ARF3: variants seen among roughly 807,000 people sequenced by gnomAD.
ARF3 encodes ADP-ribosylation factor 3.
In ARF3, 5 loss-of-function variants were observed where a neutral mutation model predicts 19.3. The observed-to-expected ratio is 0.26, with a 90% CI of 0.14 to 0.54. The LOEUF (loss-of-function observed/expected upper bound fraction) is 0.54. Among genes scored for constraint, ARF3 ranks in the 20% least tolerant of loss-of-function variants. The probability of loss-of-function intolerance (pLI) is 0.95; values close to 1 mark genes in which losing one functional copy is unlikely to be tolerated. For synonymous variants in ARF3, 71 were observed against 89.2 expected (o/e 0.80, Z 1.15); for missense variants, 77 against 234.2 (o/e 0.33, Z 4.38).
chr12:48,938,620 C>T lies in ARF3; in HGVS notation c.*327G>A, dbSNP rs771921639. On this transcript the variant is annotated 3_prime_UTR_variant, in exon 5 of 5. Coordinates refer to ENST00000256682, the MANE Select transcript of ARF3 (RefSeq NM_001659.3). Reference sequence around the variant, plus strand: ...TCAGATGCCAAGAGGACAGCAACCACTGCCAAACAAAGAGAATACCCCACT... The same window carrying T: ...TCAGATGCCAAGAGGACAGCAACCATTGCCAAACAAAGAGAATACCCCACT... 1 of 446,850 alleles carries T rather than the reference C, an allele frequency of 2.2e-6. No homozygotes were observed. The highest frequency in any genetic ancestry group is 1.6e-5 in the South Asian group (1 of 61,662). The allele number at this position is 446,850 out of a possible 1,614,324, so 27.7% of individuals were successfully genotyped here. A position where few individuals can be genotyped will look rare whatever the true frequency, so the allele number is the denominator to read the frequency against.
intron 1 of ARF3, among the ~76,000 whole-genome samples, chr12:48,952,026 C>T (rs903745126): frequency 6.6e-6 from 1 of 152,026 alleles, no homozygotes; most frequent in Non-Finnish European, 1.5e-5. Context: ...ATAGAACATA[C>T]AAAAGAAAAG....
rs1009349744 is a variant in ARF3, at chr12:48,938,698, G to C, written c.*249C>G. On this transcript the variant is annotated 3_prime_UTR_variant, in exon 5 of 5. Coordinates refer to ENST00000256682, the MANE Select transcript of ARF3 (RefSeq NM_001659.3). Reference sequence around the variant, plus strand: ...GAGAGAGGGGCCACCCCATGAAACCGTAACAACTTTTTGTTTTAAATCCAG... The same window carrying C: ...GAGAGAGGGGCCACCCCATGAAACCCTAACAACTTTTTGTTTTAAATCCAG... The C allele has an allele frequency of 3.8e-6, 2 of 523,728 alleles. No individual in the cohort carries two copies. Among genetic ancestry groups the C allele is most frequent in the Non-Finnish European group, 6.9e-6 (2 of 289,470 alleles). 32.4% of individuals were successfully genotyped at this position (523,728 alleles called of 1,614,324 possible).
At chr12:48,956,891 C>T (rs1431077857) in intron 1 of ARF3, 3 of 134,416 alleles carry the variant, frequency 2.2e-5, no homozygotes, top group Non-Finnish European at 5.1e-5. Context: ...TCTCCTATTG[C>T]TAAGGTGGGG....
chr12:48,941,249 G>A (rs929370569), intron 1 of ARF3, 61 bp from the exon 2 acceptor site: 29 of 922,628 alleles, frequency 3.1e-5, no homozygotes, highest in Non-Finnish European at 4.6e-5. Context: ...CAAGTAAATA[G>A]AATTTCCCAA....
intron 1 of ARF3, 85 bp from the exon 2 acceptor site, chr12:48,941,273 G>A: frequency 4.3e-6 from 3 of 702,790 alleles, no homozygotes; most frequent in Non-Finnish European, 4.5e-6. Flanking sequence ...CATGGCTAGA[G>A]TTCATTCATG....
At chr12:48,949,440 T>C (rs563207188) in intron 1 of ARF3, among the ~76,000 whole-genome samples, 11 of 152,314 alleles carry the variant, frequency 7.2e-5, no homozygotes, top group African/African-American at 2.2e-4. Flanking sequence ...TTGGCCAGAA[T>C]GGTCTCGATC....
chr12:48,937,229 G>T lies in ARF3; in HGVS notation c.*1718C>A, dbSNP rs1477203733. The T allele has an allele frequency of 6.6e-6, 1 of 152,244 alleles. No homozygotes were observed. Among genetic ancestry groups the T allele is most frequent in the South Asian group, 2.1e-4 (1 of 4,830 alleles). The allele number at this position is 152,244 out of a possible 1,614,324, so 9.4% of individuals were successfully genotyped here. On this transcript the variant is annotated 3_prime_UTR_variant, in exon 5 of 5. Transcript: ENST00000256682. ...TCAACAAAAGTGGCCAGGAAACCTG[G>T]CCCCATGGAGTGGGGCTTGGGACAG...
intron 1 of ARF3, among the ~76,000 whole-genome samples, chr12:48,943,961 A>G (rs1260692558): frequency 6.6e-6 from 1 of 152,172 alleles, no homozygotes; most frequent in Non-Finnish European, 1.5e-5. Flanking sequence ...AGGACCCCTG[A>G]GCGACCTACC....
chr12:48,943,909 C>G (rs1056715744), intron 1 of ARF3, among the ~76,000 whole-genome samples: 1 of 152,170 alleles, frequency 6.6e-6, no homozygotes, highest in Non-Finnish European at 1.5e-5. Context: ...GCCTTCCTCC[C>G]TACTCTTCCT....
At position 48,938,165 on chromosome 12, in the gene ARF3, G is replaced by C. The variant is rs1940182002; in HGVS notation, c.*782C>G. 2.9e-6 allele frequency: 1 copy of C among 345,782 alleles called. No homozygotes were observed. The highest frequency in any genetic ancestry group is 3.8e-5 in the Admixed American group (1 of 26,378). The allele number at this position is 345,782 out of a possible 1,614,324, so 21.4% of individuals were successfully genotyped here. ...GCATCTCCTTGGGAACAGTCATCTA[G>C]AGATAAATGCCATCCTCCAGCCCTA... is the stretch of plus-strand genomic sequence containing the variant. On this transcript the variant is annotated 3_prime_UTR_variant, in exon 5 of 5. Coordinates refer to ENST00000256682, the MANE Select transcript of ARF3 (RefSeq NM_001659.3).
At position 48,939,245 on chromosome 12, in the gene ARF3, G is replaced by A. The variant is rs113740214; in HGVS notation, c.385-137C>T. ...TAGGAAACCCAGAACAAGATCCTAA[G>A]GAGCTACTTTGGATTTAGTCACCTA... On this transcript the variant is annotated intron_variant, in intron 4 of 4. Transcript: ENST00000256682. The surrounding 1 kb of genome is among the most constrained non-coding windows in gnomAD (Gnocchi z 4.8). The A allele has an allele frequency of 1.9e-6, 2 of 1,043,090 alleles. No homozygotes were observed. The highest frequency in any genetic ancestry group is 3.2e-5 in the African/African-American group (2 of 62,230). 64.6% of individuals were successfully genotyped at this position (1,043,090 alleles called of 1,614,324 possible).
chr12:48,943,984 G>A (rs1940311708), intron 1 of ARF3, among the ~76,000 whole-genome samples: 1 of 152,214 alleles, frequency 6.6e-6, no homozygotes, highest in African/African-American at 2.4e-5. Context: ...GCTAAGAACA[G>A]CTCTCACCAA....
At chr12:48,947,127 C>T (rs551140885) in intron 1 of ARF3, among the ~76,000 whole-genome samples, 20 of 152,326 alleles carry the variant, frequency 1.3e-4, no homozygotes, top group Admixed American at 9.8e-4. Flanking sequence ...TACGCCCGTA[C>T]TGAGTTTTCT....
At chr12:48,942,516 T>C (rs1207280680) in intron 1 of ARF3, among the ~76,000 whole-genome samples, 1 of 152,078 alleles carries the variant, frequency 6.6e-6, no homozygotes, top group Non-Finnish European at 1.5e-5. Flanking sequence ...CACAACCACA[T>C]GTATAACACA....
At chr12:48,940,335 A>G (rs927030843) in intron 2 of ARF3, among the ~76,000 whole-genome samples, 1 of 152,244 alleles carries the variant, frequency 6.6e-6, no homozygotes, top group African/African-American at 2.4e-5. Flanking sequence ...AGAGGTTCAC[A>G]GTTGCCTGGG....
Position 48,939,990 on chromosome 12 carries a change from A to C in ARF3, c.259+7T>G. On this transcript the variant is annotated splice_region_variant and intron_variant, in intron 3 of 4. Transcript: ENST00000256682. The surrounding 1 kb of genome is among the most constrained non-coding windows in gnomAD (Gnocchi z 4.8). The stretch of plus-strand genomic sequence containing the variant: ...ACCCAACCAACCCACGCTAGGCCTG[A>C]GCATACCTTGGGTGTTCTGGAAGTA... 5 of 1,613,364 alleles carry C rather than the reference A, an allele frequency of 3.1e-6. No homozygotes were observed. Among genetic ancestry groups the C allele is most frequent in the Non-Finnish European group, 4.2e-6 (5 of 1,179,294 alleles).
Position 48,938,898 on chromosome 12 carries a change from G to C in ARF3, c.*49C>G. The C allele has an allele frequency of 6.3e-7, 1 of 1,591,354 alleles. No homozygotes were observed. The highest frequency in any genetic ancestry group is 1.1e-5 in the South Asian group (1 of 87,806). On this transcript the variant is annotated 3_prime_UTR_variant, in exon 5 of 5. Transcript: ENST00000256682. ...GGGGTAGGACTGGGGCAGGGTGACA[G>C]TAGGTATGTCAGGGGTGGGTGGGGT...
In ARF3 at chr12:48,941,067, T is replaced by C. The variant is rs1343696419; in HGVS notation, c.29A>G (p.Lys10Arg). 1 of 1,613,902 alleles carries C rather than the reference T, an allele frequency of 6.2e-7. No homozygotes were observed. Among genetic ancestry groups the C allele is most frequent in the Non-Finnish European group, 8.5e-7 (1 of 1,179,922 alleles). The change falls in exon 2 of 5, where the codon AAG becomes AGG. Residue 10 changes from lysine to arginine, a missense_variant. Physicochemically the swap from Lys to Arg is conservative, Grantham distance 26 (BLOSUM62 2). Around this residue, in one of 3 missense-constraint regions of ARF3, gnomAD observed 9 missense variants for 16.4 expected, o/e 0.55. Transcript: ENST00000256682. Reference sequence around the variant, plus strand: ...CATCTCCTTCTTCCCAATCAGGCTCTTGAGAAGGTTTCCAAAGATATTGCC... The same window carrying C: ...CATCTCCTTCTTCCCAATCAGGCTCCTGAGAAGGTTTCCAAAGATATTGCC... MGNIFGNLL[K>R]SLIGKKEMRI...
chr12:48,939,919 AAC>A lies in ARF3; in HGVS notation c.259+76_259+77del. On this transcript the variant is annotated intron_variant, in intron 3 of 4. Coordinates refer to ENST00000256682, the MANE Select transcript of ARF3 (RefSeq NM_001659.3). This position sits in a 1 kb window ranked among gnomAD's most constrained non-coding sequence, Gnocchi z 4.8. Reference sequence around the variant, plus strand: ...CTGCCCCCAGGAGCTGCAGCAGGGTAACAGTTGGCCACCCATTAACAAAGACA... The same window carrying A: ...CTGCCCCCAGGAGCTGCAGCAGGGTAAGTTGGCCACCCATTAACAAAGACA... 1 of 1,582,888 alleles carries A rather than the reference AAC, an allele frequency of 6.3e-7. No homozygotes were observed. The highest frequency in any genetic ancestry group is 1.3e-5 in the African/African-American group (1 of 74,344).
Sources: gnomAD v4.1 joint callset for allele counts (sites outside exome capture counted in the v4.1 genomes callset) on GRCh38, gnomAD v4.1.1 for gene constraint, gnomAD v4.1.1 regional missense constraint, Gnocchi (gnomAD v3.1) non-coding constraint, MANE v1.5 for transcripts, NCBI Gene and HGNC (gene_info 2026-07-23, HGNC 2026-07-21) for gene names.